The following COASY variants were observed in gnomAD, a reference collection of about 807,000 sequenced individuals.
The protein encoded by COASY is Coenzyme A synthase, also known as bifunctional coenzyme A synthase.
COASY carries 31 observed loss-of-function variants against 49.4 expected under a neutral mutation model. The observed-to-expected ratio is 0.63, with a 90% CI of 0.47 to 0.85. COASY has a LOEUF of 0.85. COASY is among the 40% of genes least tolerant of loss of function. COASY has a pLI of 0.00. For synonymous variants in COASY, 285 were observed against 310.9 expected (o/e 0.92, Z 0.88); for missense variants, 730 against 734.1 (o/e 0.99, Z 0.06).
chr17:42,565,963 G>A lies in COASY; in HGVS notation c.1690G>A (p.Asp564Asn), dbSNP rs757786032. 33 of 1,613,664 alleles carry A rather than the reference G, an allele frequency of 2.0e-5. No individual in the cohort carries two copies. The South Asian group carries it at 2.2e-4, about 11-fold the overall frequency. ...CATTCCCAAGACTCATCAGGCCCTCGACTGAAAAGTTCTCAGTGGGGCCAG... is the reference window on the plus strand; with the variant it reads ...CATTCCCAAGACTCATCAGGCCCTCAACTGAAAAGTTCTCAGTGGGGCCAG... ...KRIPKTHQAL[D>N] is the part of the protein sequence containing the mutation. The change falls in exon 9 of 9, where the codon GAC (aspartate) becomes AAC (asparagine). Residue 564 changes from aspartate (D) to asparagine (N), a missense_variant. Physicochemically the swap from Asp to Asn is conservative, Grantham distance 23. Coordinates refer to ENST00000393818, the MANE Select transcript of COASY (RefSeq NM_025233.7).
In COASY at chr17:42,565,220, T is replaced by A. The variant is rs1432592694; in HGVS notation, c.1303-7T>A. 5 of 1,613,690 alleles carry A rather than the reference T, an allele frequency of 3.1e-6. No individual in the cohort carries two copies. Among genetic ancestry groups the A allele is most frequent in the South Asian group, 2.2e-5 (2 of 91,084 alleles). The stretch of plus-strand genomic sequence containing the variant: ...AGGTAACCTCTGCCCTCTGTTCCCC[T>A]CCCCAGAAGCAGCTGAAGATACTCA... On this transcript the variant is annotated splice_region_variant and splice_polypyrimidine_tract_variant and intron_variant, in intron 5 of 8. Coordinates refer to ENST00000393818, the MANE Select transcript of COASY (RefSeq NM_025233.7).
In COASY at chr17:42,562,740, C is replaced by A; in HGVS notation, c.118C>A (p.His40Asn). 1 of 1,591,750 alleles carries A rather than the reference C, an allele frequency of 6.3e-7. No individual in the cohort carries two copies. The highest frequency in any genetic ancestry group is 1.1e-5 in the South Asian group (1 of 90,106). Residue 40 changes from histidine to asparagine, a missense_variant, in exon 1 of 9, where the codon CAC becomes AAC. Coordinates refer to ENST00000393818, the MANE Select transcript of COASY (RefSeq NM_025233.7). ...ARLVNHTLYV[H>N]LQPGMSLEGP... ...GCTGGTGAATCACACACTCTATGTT[C>A]ACCTGCAGCCGGGCATGAGCCTGGA...
intron 2 of COASY, 75 bp from the exon 3 acceptor site, chr17:42,564,371 G>C (rs966356078): frequency 4.4e-6 from 7 of 1,601,468 alleles, no homozygotes; most frequent in East Asian, 2.2e-5. Flanking sequence ...GGGGAGGATG[G>C]GGGGGCAGGT....
At chr17:42,564,626 G>A (rs1445214531) in intron 3 of COASY, 49 bp downstream of exon 3, 5 of 1,573,078 alleles carry the variant, frequency 3.2e-6, no homozygotes, top group Non-Finnish European at 4.3e-6. Flanking sequence ...TGGCAATGCT[G>A]GAGAGTAGAA....
At position 42,562,155 on chromosome 17, in the gene COASY, CT is replaced by C. The variant is rs1276565735; in HGVS notation, c.-466del. 6.2e-6 allele frequency: 3 copies of C among 484,280 alleles called. No individual in the cohort carries two copies. Among genetic ancestry groups the C allele is most frequent in the African/African-American group, 6.0e-5 (3 of 50,006 alleles). The allele number at this position is 484,280 out of a possible 1,614,324, so 30.0% of individuals were successfully genotyped here. A position where few individuals can be genotyped will look rare whatever the true frequency, so the allele number is the denominator to read the frequency against. ...CCGAGTTGCGGTTTCTCCGTTAGTG[CT>C]TCCGGGTTGCAGCCAGGGAAGCCTC... On this transcript the variant is annotated 5_prime_UTR_variant, in exon 1 of 9. Coordinates refer to ENST00000393818, the MANE Select transcript of COASY (RefSeq NM_025233.7).
At chr17:42,563,451 G>T in intron 1 of COASY, 129 bp downstream of exon 1, 1 of 906,766 alleles carries the variant, frequency 1.1e-6, no homozygotes, top group Non-Finnish European at 1.6e-6. Flanking sequence ...CACAGTGGTT[G>T]ACACTCAATT....
Position 42,562,974 on chromosome 17 carries a change from T to G in COASY, c.352T>G (p.Phe118Val). 1.9e-6 allele frequency: 3 copies of G among 1,614,112 alleles called. No individual in the cohort carries two copies. Among genetic ancestry groups the G allele is most frequent in the Non-Finnish European group, 2.5e-6 (3 of 1,179,984 alleles). ...CCCGCCAGAAGTCGTGTTGACAGATTTCCAGACCCTGGATGGAAGCCAGTA... is the reference window on the plus strand; with the variant it reads ...CCCGCCAGAAGTCGTGTTGACAGATGTCCAGACCCTGGATGGAAGCCAGTA... ...AHPPEVVLTD[F>V]QTLDGSQYNP... Residue 118 changes from phenylalanine to valine, a missense_variant, in exon 1 of 9, where the codon TTC becomes GTC. Physicochemically the swap from Phe to Val is conservative, Grantham distance 50. Transcript: ENST00000393818.
At position 42,563,236 on chromosome 17, in the gene COASY, ACGCC is replaced by A. The variant is rs2092986341; in HGVS notation, c.616_619del (p.Ala206ThrfsTer20). 1 of 1,613,358 alleles carries A rather than the reference ACGCC, an allele frequency of 6.2e-7. No homozygotes were observed. The highest frequency in any genetic ancestry group is 8.5e-7 in the Non-Finnish European group (1 of 1,179,990). On this transcript the variant is annotated frameshift_variant, in exon 1 of 9. Coordinates refer to ENST00000393818, the MANE Select transcript of COASY (RefSeq NM_025233.7). LOFTEE classifies it high-confidence loss of function. ...GGTGGCACGTTTGACCGCCTGCACA[ACGCC>A]CACAAGGTGTTGCTCAGTGTCGCGT...
chr17:42,565,007 TCAA>T lies in COASY; in HGVS notation c.1265_1267del (p.Asn422del). On this transcript the variant is annotated inframe_deletion, in exon 5 of 9. Coordinates refer to ENST00000393818, the MANE Select transcript of COASY (RefSeq NM_025233.7). Reference sequence around the variant, plus strand: ...GATATTCTCCATAAAGATGGCATCATCAACAGGAAGGTCCTAGGCAGCCGGGTG... The same window carrying T: ...GATATTCTCCATAAAGATGGCATCATCAGGAAGGTCCTAGGCAGCCGGGTG... 1 of 1,614,178 alleles carries T rather than the reference TCAA, an allele frequency of 6.2e-7. No individual in the cohort carries two copies. The highest frequency in any genetic ancestry group is 8.5e-7 in the Non-Finnish European group (1 of 1,180,026).
At chr17:42,564,275 G>C (rs1017464657) in intron 2 of COASY, 100 bp downstream of exon 2, 13 of 1,448,932 alleles carry the variant, frequency 9.0e-6, no homozygotes, top group African/African-American at 1.4e-5. Context: ...GGAGAGAAGT[G>C]GGGGCTCAGG....
At position 42,562,304 on chromosome 17, in the gene COASY, G is replaced by C. The variant is rs1354012234; in HGVS notation, c.-319G>C. 1 of 996,628 alleles carries C rather than the reference G, an allele frequency of 1.0e-6. No homozygotes were observed. The highest frequency in any genetic ancestry group is 2.0e-5 in the Admixed American group (1 of 51,096). The allele number at this position is 996,628 out of a possible 1,614,324, so 61.7% of individuals were successfully genotyped here. ...TGAAGACCCTGGTGCAGCTTAGCAAGAGGGCCCAGGATTTTTGGATCCCCA... is the reference window on the plus strand; with the variant it reads ...TGAAGACCCTGGTGCAGCTTAGCAACAGGGCCCAGGATTTTTGGATCCCCA... On this transcript the variant is annotated 5_prime_UTR_variant, in exon 1 of 9. Coordinates refer to ENST00000393818, the MANE Select transcript of COASY (RefSeq NM_025233.7).
At position 42,564,852 on chromosome 17, in the gene COASY, C is replaced by T; in HGVS notation, c.1191C>T (p.Ala397=). The T allele has an allele frequency of 6.3e-7, 1 of 1,588,282 alleles. No homozygotes were observed. The highest frequency in any genetic ancestry group is 8.6e-7 in the Non-Finnish European group (1 of 1,167,768). Reference sequence around the variant, plus strand: ...ACCACCTGGGTCATCGGGCCTATGCCCCAGGTGGCCCTGCCTACCAGCCTG... The same window carrying T: ...ACCACCTGGGTCATCGGGCCTATGCTCCAGGTGGCCCTGCCTACCAGCCTG... ...DSDHLGHRAY[A]PGGPAYQPVV... is the part of the protein sequence containing the mutation. Residue 397 remains alanine, a synonymous_variant, in exon 4 of 9, where the codon GCC becomes GCT. Transcript: ENST00000393818.
In COASY at chr17:42,562,440, C is replaced by CCCGAGGCGCCGTCTACCAGG. The variant is rs1567902767; in HGVS notation, c.-180_-161dup. On this transcript the variant is annotated 5_prime_UTR_variant, in exon 1 of 9. The change abolishes the stop of an existing upstream ORF in the 5' untranslated region. Coordinates refer to ENST00000393818, the MANE Select transcript of COASY (RefSeq NM_025233.7). ...AGGACACCAAGGCTTAGAGCACAGC[C>CCCGAGGCGCCGTCTACCAGG]CCGAGGCGCCGTCTACCAGGCCCCG... 2 of 1,613,904 alleles carry CCCGAGGCGCCGTCTACCAGG rather than the reference C, an allele frequency of 1.2e-6. No homozygotes were observed. Among genetic ancestry groups the CCCGAGGCGCCGTCTACCAGG allele is most frequent in the South Asian group, 2.2e-5 (2 of 91,088 alleles).
Position 42,564,135 on chromosome 17 carries a change from A to G in COASY, c.875A>G (p.Tyr292Cys), listed in dbSNP as rs374017503. ...LEFLVVSEET[Y>C]RGGMAINRFR... ...TTCCTGGTGGTCAGCGAGGAGACCT[A>G]TCGTGGGGGGATGGCCATCAACCGC... The change falls in exon 2 of 9, where the codon TAT (tyrosine) becomes TGT (cysteine). Residue 292 changes from tyrosine to cysteine, a missense_variant. By Grantham distance (194) the Tyr-to-Cys change is radical. Transcript: ENST00000393818. 63 of 1,613,842 alleles carry G rather than the reference A, an allele frequency of 3.9e-5. No individual in the cohort carries two copies. Among genetic ancestry groups the G allele is most frequent in the African/African-American group, 6.7e-5 (5 of 74,836 alleles).
chr17:42,563,204 C>T lies in COASY; in HGVS notation c.582C>T (p.Gly194=), dbSNP rs1191351438. 2.5e-6 allele frequency: 4 copies of T among 1,613,820 alleles called. No individual in the cohort carries two copies. Among genetic ancestry groups the T allele is most frequent in the East Asian group, 2.2e-5 (1 of 44,880 alleles). ...AGCCGGTGCGTGGCTACTACCGTGG[C>T]GCTGTCGGTGGCACGTTTGACCGCC... ...PKQPVRGYYR[G]AVGGTFDRLH... is the part of the protein sequence containing the mutation. The change falls in exon 1 of 9, where the codon GGC becomes GGT. Residue 194 remains glycine, a synonymous_variant. Transcript: ENST00000393818.
Position 42,563,151 on chromosome 17 carries a change from G to C in COASY, c.529G>C (p.Ala177Pro), listed in dbSNP as rs781118243. 6.2e-7 allele frequency: 1 copy of C among 1,613,960 alleles called. No homozygotes were observed. ...CCCCTTACCCTCCACGATCAGGCCA[G>C]CTTCCCCCGTGGCCGGGTCTCCAAA... ...DVPLPSTIRPASPVAGSPKQP... is the reference protein window; with the variant it reads ...DVPLPSTIRPPSPVAGSPKQP... Residue 177 changes from alanine to proline, a missense_variant, in exon 1 of 9, where the codon GCT becomes CCT. Coordinates refer to ENST00000393818, the MANE Select transcript of COASY (RefSeq NM_025233.7).
In COASY at chr17:42,564,195, G is replaced by A; in HGVS notation, c.915+20G>A. 6.2e-7 allele frequency: 1 copy of A among 1,611,170 alleles called. No individual in the cohort carries two copies. Among genetic ancestry groups the A allele is most frequent in the Non-Finnish European group, 8.5e-7 (1 of 1,177,878 alleles). On this transcript the variant is annotated intron_variant, in intron 2 of 8. Transcript: ENST00000393818. Reference sequence around the variant, plus strand: ...GAGAATGTAACCCCTGAGGGAGACTGGCAGAGGGAGTGGATGGGGGACGGG... The same window carrying A: ...GAGAATGTAACCCCTGAGGGAGACTAGCAGAGGGAGTGGATGGGGGACGGG...
rs777678251 is a variant in COASY, at chr17:42,565,601, T to C, written c.1485+33T>C. On this transcript the variant is annotated intron_variant, in intron 7 of 8. Transcript: ENST00000393818. The stretch of plus-strand genomic sequence containing the variant: ...GCCCCACCCCCCACACCATCCCTAC[T>C]GCAGATCCTATCCTGTGAGCTGGAA... 18 of 1,613,924 alleles carry C rather than the reference T, an allele frequency of 1.1e-5. No homozygotes were observed. In the East Asian group the frequency reaches 3.6e-4, roughly 32 times the overall value.
intron 2 of COASY, 95 bp downstream of exon 2, chr17:42,564,270 G>A: frequency 6.9e-7 from 1 of 1,458,542 alleles, no homozygotes; most frequent in Non-Finnish European, 9.5e-7. Flanking sequence ...CCAGAGGAGA[G>A]AAGTGGGGGC....
Sources: gnomAD v4.1 joint callset for allele counts on GRCh38, gnomAD v4.1.1 for gene constraint, MANE v1.5 for transcripts, NCBI Gene and HGNC (gene_info 2026-07-23, HGNC 2026-07-21) for gene names.